The following MYO1G variants were observed in gnomAD, a reference collection of about 807,000 sequenced individuals.
MYO1G encodes unconventional myosin-Ig.
A neutral mutation model predicts 115.3 loss-of-function variants in MYO1G; 65 were observed. The observed-to-expected ratio is 0.56, with a 90% CI of 0.46 to 0.69. The LOEUF (loss-of-function observed/expected upper bound fraction) is 0.69, where lower values mean the gene tolerates loss of function less well. Ranked by LOEUF, MYO1G falls within the 30% of genes least tolerant of loss-of-function variation. MYO1G has a pLI of 0.00. For synonymous variants in MYO1G, 510 were observed against 552.6 expected, an observed-to-expected ratio of 0.92 and a Z score of 1.08; for missense variants, 1,204 against 1,393.5, an observed-to-expected ratio of 0.86 and a Z score of 2.16.
At position 44,963,219 on chromosome 7, in the gene MYO1G, CA is replaced by C. The variant is rs1359982612; in HGVS notation, c.2746-96del. 3 of 1,358,142 alleles carry C rather than the reference CA, an allele frequency of 2.2e-6. No homozygotes were observed. The highest frequency in any genetic ancestry group is 3.1e-5 in the East Asian group (1 of 32,476). The allele number at this position is 1,358,142 out of a possible 1,614,324, so 84.1% of individuals were successfully genotyped here. ...CCCCAGGAAGCCTCTGCCGAACCCC[CA>C]ACCGCACCCGGGGAGCGCCGCCCTC... On this transcript the variant is annotated intron_variant, in intron 20 of 21. Transcript: ENST00000258787. The surrounding 1 kb of genome is among the most constrained non-coding windows in gnomAD (Gnocchi z 4.1).
Position 44,970,939 on chromosome 7 carries a change from G to T in MYO1G, c.967C>A (p.Leu323Ile). Residue 323 changes from leucine to isoleucine, a missense_variant, in exon 8 of 22, where the codon CTC becomes ATC. Physicochemically the swap from Leu to Ile is conservative, Grantham distance 5. Coordinates refer to ENST00000258787, the MANE Select transcript of MYO1G (RefSeq NM_033054.3). Reference sequence around the variant, plus strand: ...ACTGTGCGAGCCAGCAGGGAGCGGAGCACGAGGTCCCGGGGTGTGGCCGTC... The same window carrying T: ...ACTGTGCGAGCCAGCAGGGAGCGGATCACGAGGTCCCGGGGTGTGGCCGTC... ...ELTATPRDLV[L>I]RSLLARTVAS... is the part of the protein sequence containing the mutation. 1.2e-6 allele frequency: 2 copies of T among 1,613,570 alleles called. No homozygotes were observed. Among genetic ancestry groups the T allele is most frequent in the Non-Finnish European group, 1.7e-6 (2 of 1,180,018 alleles).
chr7:44,975,160 C>A lies in MYO1G; in HGVS notation c.618+14G>T, dbSNP rs764929635. The A allele has an allele frequency of 3.7e-6, 6 of 1,613,890 alleles. No homozygotes were observed. The South Asian group carries it at 6.6e-5, about 18-fold the overall frequency. ...CACCCCATTTTTCCACCTCCCCTTG[C>A]CCTCAGGGCTTACTTGGTAGAAGGC... On this transcript the variant is annotated intron_variant, in intron 5 of 21. Coordinates refer to ENST00000258787, the MANE Select transcript of MYO1G (RefSeq NM_033054.3).
At chr7:44,975,352 G>A in intron 4 of MYO1G, 125 bp from the exon 5 acceptor site, 1 of 1,489,838 alleles carries the variant, frequency 6.7e-7, no homozygotes, top group Non-Finnish European at 9.4e-7. Context: ...GGACACTGAG[G>A]CCCAGAGAAG....
intron 1 of MYO1G, among the ~76,000 whole-genome samples, chr7:44,977,543 C>T (rs1221378861): frequency 6.6e-6 from 1 of 152,024 alleles, no homozygotes; most frequent in African/African-American, 2.4e-5. Context: ...CAAAAGGGGA[C>T]CCCACCCAGC....
rs765950897 is a variant in MYO1G at position 44,964,114 on chromosome 7, G to T, written c.2680C>A (p.Gln894Lys). 5 of 1,606,890 alleles carry T rather than the reference G, an allele frequency of 3.1e-6. No individual in the cohort carries two copies. The Admixed American group carries it at 5.1e-5, about 16-fold the overall frequency. ...IRNRALLLTD[Q>K]HLYKLDPDRQ... is the part of the protein sequence containing the mutation. ...TCAGGGTCCAGCTTGTAGAGGTGCT[G>T]GTCTGTGAGCAGGAGGGCCCGGTTC... Residue 894 changes from glutamine (Q) to lysine (K), a missense_variant, in exon 20 of 22, where the codon CAG (glutamine) becomes AAG (lysine). Gln to Lys is a moderately conservative substitution (Grantham distance 53). Transcript: ENST00000258787. The surrounding 1 kb of genome is among the most constrained non-coding windows in gnomAD (Gnocchi z 5.1).
rs1219865224 is a variant in MYO1G, at chr7:44,965,530, A to G, written c.2381+107T>C. On this transcript the variant is annotated intron_variant, in intron 17 of 21. Coordinates refer to ENST00000258787, the MANE Select transcript of MYO1G (RefSeq NM_033054.3). Reference sequence around the variant, plus strand: ...ATAGCATCCACCTTCCCACCTATCAAGGGGGCTGGTGTATCTCCCATCCAG... The same window carrying G: ...ATAGCATCCACCTTCCCACCTATCAGGGGGGCTGGTGTATCTCCCATCCAG... 9 of 1,055,480 alleles carry G rather than the reference A, an allele frequency of 8.5e-6. No homozygotes were observed. In the East Asian group the frequency reaches 1.7e-4, roughly 20 times the overall value. The allele number at this position is 1,055,480 out of a possible 1,614,324, so 65.4% of individuals were successfully genotyped here. A position where few individuals can be genotyped will look rare whatever the true frequency, so the allele number is the denominator to read the frequency against.
Position 44,966,121 on chromosome 7 carries a change from C to G in MYO1G, c.2109G>C (p.Glu703Asp). 6.2e-7 allele frequency: 1 copy of G among 1,613,048 alleles called. No individual in the cohort carries two copies. Among genetic ancestry groups the G allele is most frequent in the South Asian group, 1.1e-5 (1 of 91,074 alleles). The change falls in exon 16 of 22, where the codon GAG (glutamate) becomes GAC (aspartate). Residue 703 changes from glutamate to aspartate, a missense_variant. Physicochemically the swap from Glu to Asp is conservative, Grantham distance 45. Transcript: ENST00000258787. The surrounding 1 kb of genome is among the most constrained non-coding windows in gnomAD (Gnocchi z 5.0). The stretch of plus-strand genomic sequence containing the variant: ...TGGGGATGAGGCGGGCTCGGCTCTG[C>G]TCCAGTGTGACCAGTGTCCGGGGTG... Reference protein sequence around the residue: ...IRSPRTLVTLEQSRARLIPII... With the variant: ...IRSPRTLVTLDQSRARLIPII...
intron 1 of MYO1G, among the ~76,000 whole-genome samples, chr7:44,978,087 C>T (rs1416670996): frequency 6.6e-6 from 1 of 152,182 alleles, no homozygotes; most frequent in Non-Finnish European, 1.5e-5. Flanking sequence ...CTCGTGGTCT[C>T]TTGCCTTCGG....
At position 44,964,033 on chromosome 7, in the gene MYO1G, C is replaced by T; in HGVS notation, c.2745+16G>A. 1 of 1,559,480 alleles carries T rather than the reference C, an allele frequency of 6.4e-7. No individual in the cohort carries two copies. The highest frequency in any genetic ancestry group is 8.7e-7 in the Non-Finnish European group (1 of 1,149,540). ...CTCACAGATGCTGCACCCTACTCCC[C>T]ACCCACATTGCTCACCGCCTCAAGG... On this transcript the variant is annotated intron_variant, in intron 20 of 21. Transcript: ENST00000258787. The surrounding 1 kb of genome is among the most constrained non-coding windows in gnomAD (Gnocchi z 5.1).
At position 44,964,099 on chromosome 7, in the gene MYO1G, G is replaced by C. The variant is rs1038872506; in HGVS notation, c.2695C>G (p.Leu899Val). The change falls in exon 20 of 22, where the codon CTG (leucine) becomes GTG (valine). Residue 899 changes from leucine to valine, a missense_variant. Transcript: ENST00000258787. The surrounding 1 kb of genome is among the most constrained non-coding windows in gnomAD (Gnocchi z 5.1). ...LLLTDQHLYK[L>V]DPDRQYRVMR... is the part of the protein sequence containing the mutation. ...ACCCGGTACTGCCGGTCAGGGTCCA[G>C]CTTGTAGAGGTGCTGGTCTGTGAGC... 3 of 1,607,020 alleles carry C rather than the reference G, an allele frequency of 1.9e-6. No homozygotes were observed. The highest frequency in any genetic ancestry group is 2.5e-6 in the Non-Finnish European group (3 of 1,176,980).
rs1196130116 is a variant in MYO1G at position 44,972,124 on chromosome 7, A to G, written c.720T>C (p.Thr240=). The G allele has an allele frequency of 6.2e-7, 1 of 1,613,502 alleles. No homozygotes were observed. The highest frequency in any genetic ancestry group is 8.5e-7 in the Non-Finnish European group (1 of 1,179,442). The change falls in exon 6 of 22, where the codon ACT becomes ACC. Residue 240 remains threonine, a synonymous_variant. Transcript: ENST00000258787. ...TGCCCCTCACACTCACACTGTGCAC[A>G]GTCATGTTGAGTCCTGCTCCCTGGT... The part of the protein sequence containing the change: ...FTHQGAGLNM[T]VHSALDSDEQ...
intron 9 of MYO1G, 58 bp from the exon 10 acceptor site, chr7:44,970,212 T>C: frequency 8.4e-7 from 1 of 1,186,318 alleles, no homozygotes; most frequent in Non-Finnish European, 1.2e-6. Context: ...TGCATGGTAA[T>C]GGGTGGCTGC....
intron 17 of MYO1G, among the ~76,000 whole-genome samples, 200 bp from the exon 18 acceptor site, chr7:44,965,289 G>C (rs1453548469): frequency 6.6e-6 from 1 of 152,236 alleles, no homozygotes; most frequent in East Asian, 1.9e-4. Flanking sequence ...CAGTCGCCCA[G>C]TGTCCTCCTG....
In MYO1G at chr7:44,969,802, T is replaced by G. The variant is rs909340605; in HGVS notation, c.1406A>C (p.Asp469Ala). The G allele has an allele frequency of 6.2e-6, 10 of 1,613,250 alleles. No individual in the cohort carries two copies. The highest frequency in any genetic ancestry group is 8.5e-6 in the Non-Finnish European group (10 of 1,179,916). ...RPHRGILAVL[D>A]EACSSAGTIT... is the part of the protein sequence containing the mutation. ...GGTGCCAGCAGAGCTGCAGGCCTCG[T>G]CCAGCACGGCCAGGATGCCACGGTG... Residue 469 changes from aspartate to alanine, a missense_variant, in exon 11 of 22, where the codon GAC becomes GCC. Transcript: ENST00000258787. The surrounding 1 kb of genome is among the most constrained non-coding windows in gnomAD (Gnocchi z 5.0).
intron 3 of MYO1G, 147 bp from the exon 4 acceptor site, chr7:44,975,796 C>T: frequency 1.0e-5 from 9 of 897,292 alleles, no homozygotes; most frequent in Non-Finnish European, 1.3e-5. Context: ...GGCCTGGCCT[C>T]GCCCAGTGTT....
Position 44,975,574 on chromosome 7 carries a change from G to A in MYO1G, c.474C>T (p.Asn158=), listed in dbSNP as rs1583796089. ...CCATGTACTTGCCAAAGCGGCTGGA[G>A]TTGTGATTGCGGTTGGTGCGGGCAT... ...FGNARTNRNH[N]SSRFGKYMDI... The change falls in exon 4 of 22, where the codon AAC becomes AAT. Residue 158 remains asparagine, a synonymous_variant. Coordinates refer to ENST00000258787, the MANE Select transcript of MYO1G (RefSeq NM_033054.3). 16 of 1,614,062 alleles carry A rather than the reference G, an allele frequency of 9.9e-6. No homozygotes were observed. The highest frequency in any genetic ancestry group is 1.4e-5 in the Non-Finnish European group (16 of 1,179,950).
rs1794775439 is a variant in MYO1G, at chr7:44,962,990, C to T, written c.2880G>A (p.Val960=). The change falls in exon 21 of 22, where the codon GTG becomes GTA. Residue 960 remains valine, a synonymous_variant. Transcript: ENST00000258787. The surrounding 1 kb of genome is among the most constrained non-coding windows in gnomAD (Gnocchi z 5.3). ...LDNRVGELVG[V]LAAHCQGEGR... Reference sequence around the variant, plus strand: ...CTCACCCCTGGCAGTGTGCGGCCAGCACGCCCACCAGCTCCCCAACGCGGT... The same window carrying T: ...CTCACCCCTGGCAGTGTGCGGCCAGTACGCCCACCAGCTCCCCAACGCGGT... The T allele has an allele frequency of 6.5e-7, 1 of 1,532,638 alleles. No homozygotes were observed. Among genetic ancestry groups the T allele is most frequent in the Non-Finnish European group, 8.7e-7 (1 of 1,144,176 alleles). 94.9% of individuals were successfully genotyped at this position (1,532,638 alleles called of 1,614,324 possible). A position where few individuals can be genotyped will look rare whatever the true frequency, so the allele number is the denominator to read the frequency against.
chr7:44,968,463 C>G (rs1357062085), intron 12 of MYO1G: 1 of 153,848 alleles, frequency 6.5e-6, no homozygotes, highest in Admixed American at 6.4e-5. Context: ...AGTGCCAAAT[C>G]TTGGCTCCAA....
chr7:44,971,877 C>T, intron 6 of MYO1G, 88 bp from the exon 7 acceptor site: 1 of 961,744 alleles, frequency 1.0e-6, no homozygotes, highest in Non-Finnish European at 1.6e-6. Context: ...ATCCTAGGCA[C>T]CTGCTCACCC....
Sources: gnomAD v4.1 joint callset for allele counts (sites outside exome capture counted in the v4.1 genomes callset) on GRCh38, gnomAD v4.1.1 for gene constraint, Gnocchi (gnomAD v3.1) non-coding constraint, MANE v1.5 for transcripts, NCBI Gene and HGNC (gene_info 2026-07-23, HGNC 2026-07-21) for gene names.